The following LINC00305 variants were observed in gnomAD, a reference collection of about 807,000 sequenced individuals.
LINC00305 encodes the protein long intergenic non-protein coding RNA 305.
intron 1 of LINC00305, among the ~76,000 whole-genome samples, chr18:64,125,680 C>T (rs1401197618): frequency 1.3e-5 from 2 of 151,940 alleles, no homozygotes; most frequent in South Asian, 2.1e-4. Flanking sequence ...TTCCTCAATC[C>T]TTTTACAGTG....
rs201981802 is a variant in LINC00305, at chr18:64,143,571, C to T, written n.314+5204G>A. ...CACATATTATGTGTACATATATACA[C>T]ATATGTATATGTACATATGTACACA... On this transcript the variant is annotated intron_variant and non_coding_transcript_variant, in intron 1 of 3. Coordinates refer to ENST00000666468, the Ensembl canonical transcript of LINC00305. Among the ~76,000 whole-genome samples the T allele has an allele frequency of 1.7e-3, 4 of 2,342 alleles. 1 individual carries two copies. The highest frequency in any genetic ancestry group is 6.7e-3 in the Non-Finnish European group (4 of 598). 1.5% of individuals were successfully genotyped at this position (2,342 alleles called of 152,430 possible).
chr18:64,114,789 T>A (rs1460034288), intron 1 of LINC00305, among the ~76,000 whole-genome samples: 1 of 152,246 alleles, frequency 6.6e-6, no homozygotes, highest in Non-Finnish European at 1.5e-5. Context: ...CCTCAGATGA[T>A]CCACCTGCCT....
chr18:64,139,508 A>G (rs1466908451), intron 1 of LINC00305: 1 of 152,226 alleles, frequency 6.6e-6, no homozygotes, highest in Non-Finnish European at 1.5e-5. Flanking sequence ...TGAACACATC[A>G]GTCCAGCATT....
chr18:64,126,531 A>G (rs2051386091), intron 1 of LINC00305, among the ~76,000 whole-genome samples: 1 of 152,122 alleles, frequency 6.6e-6, no homozygotes, highest in Admixed American at 6.6e-5. Flanking sequence ...TCTATGAACA[A>G]GGAGCTGTTC....
intron 1 of LINC00305, among the ~76,000 whole-genome samples, chr18:64,111,120 A>G (rs2051312939): frequency 6.6e-6 from 1 of 152,238 alleles, no homozygotes; most frequent in Non-Finnish European, 1.5e-5. Flanking sequence ...GTGAGAAAAA[A>G]TAGATGACAA....
At chr18:64,101,332 G>C (rs1288523883) in intron 1 of LINC00305, among the ~76,000 whole-genome samples, 1 of 152,200 alleles carries the variant, frequency 6.6e-6, no homozygotes, top group Non-Finnish European at 1.5e-5. Flanking sequence ...TGATGTCACA[G>C]AGTTCCAGAA....
chr18:64,139,926 A>G (rs1568118723), intron 1 of LINC00305, among the ~76,000 whole-genome samples: 2 of 152,090 alleles, frequency 1.3e-5, no homozygotes, highest in African/African-American at 2.4e-5. Context: ...GATGACCCTC[A>G]CATCATGACC....
chr18:64,121,613 T>C (rs2051362482), intron 1 of LINC00305, among the ~76,000 whole-genome samples: 2 of 152,160 alleles, frequency 1.3e-5, no homozygotes. Context: ...CTAAGGTTGA[T>C]TCTGTATCTT....
Position 64,117,505 on chromosome 18 carries a change from AC to A in LINC00305, n.315-18866del, listed in dbSNP as rs1311933494. ...TTTATATGTCTTGTGCTATTTTCTT[AC>A]CTGTAAAATTGACAGAATGATAATT... On this transcript the variant is annotated intron_variant and non_coding_transcript_variant, in intron 1 of 3. Transcript: ENST00000666468. Among the ~76,000 whole-genome samples the A allele has an allele frequency of 6.6e-5, 10 of 152,146 alleles. 1 individual carries two copies. Among genetic ancestry groups the A allele is most frequent in the Non-Finnish European group, 1.5e-4 (10 of 68,026 alleles).
chr18:64,095,882 A>T (rs960973992), intron 3 of LINC00305, among the ~76,000 whole-genome samples: 3 of 152,178 alleles, frequency 2.0e-5, no homozygotes, highest in Non-Finnish European at 4.4e-5. Context: ...TATAAAAGAG[A>T]TCAATGAGTA....
intron 1 of LINC00305, among the ~76,000 whole-genome samples, chr18:64,118,500 T>G (rs767663310): frequency 6.6e-6 from 1 of 152,098 alleles, no homozygotes; most frequent in Non-Finnish European, 1.5e-5. Context: ...ATAACTTTTT[T>G]GTATGAGTGC....
chr18:64,086,304 T>C (rs2051203305), intron 3 of LINC00305, among the ~76,000 whole-genome samples: 1 of 152,240 alleles, frequency 6.6e-6, no homozygotes, highest in South Asian at 2.1e-4. Context: ...AGATTTATGT[T>C]AAGTTGGTAA....
intron 3 of LINC00305, among the ~76,000 whole-genome samples, chr18:64,086,169 T>A (rs931383354): frequency 1.3e-5 from 2 of 152,218 alleles, no homozygotes; most frequent in Non-Finnish European, 2.9e-5. Flanking sequence ...TCTAGTTAGT[T>A]TAGTGATATT....
intron 1 of LINC00305, among the ~76,000 whole-genome samples, chr18:64,143,882 GTA>G (rs1226248284): frequency 1.3e-5 from 2 of 151,664 alleles, no homozygotes; most frequent in Non-Finnish European, 2.9e-5. Context: ...ATGTATACAT[GTA>G]TATATACACA....
intron 1 of LINC00305, among the ~76,000 whole-genome samples, chr18:64,137,847 T>TAGACACAC (rs2051442573): frequency 2.7e-5 from 4 of 148,482 alleles, no homozygotes; most frequent in Admixed American, 2.7e-4. Flanking sequence ...TACACACACA[T>TAGACACAC]ACACACACAC....
chr18:64,103,401 C>G (rs2051275716), intron 1 of LINC00305, among the ~76,000 whole-genome samples: 1 of 152,172 alleles, frequency 6.6e-6, no homozygotes, highest in Non-Finnish European at 1.5e-5. Context: ...CACAGTCTCT[C>G]TTGTTACTAA....
chr18:64,089,032 G>A (rs1471773873), intron 3 of LINC00305, among the ~76,000 whole-genome samples: 1 of 152,184 alleles, frequency 6.6e-6, no homozygotes, highest in Non-Finnish European at 1.5e-5. Context: ...AGACTGTCAG[G>A]AAGAAGCAGG....
At chr18:64,115,078 C>T (rs1430784290) in intron 1 of LINC00305, among the ~76,000 whole-genome samples, 1 of 152,180 alleles carries the variant, frequency 6.6e-6, no homozygotes, top group East Asian at 1.9e-4. Flanking sequence ...TGAAAGAACA[C>T]ACCAGGGAAA....
chr18:64,084,370 C>T (rs953102436), intron 3 of LINC00305, among the ~76,000 whole-genome samples: 1 of 152,062 alleles, frequency 6.6e-6, no homozygotes, highest in Admixed American at 6.5e-5. Flanking sequence ...ATAGTTTGTA[C>T]AACAAACCCC....
Sources: gnomAD v4.1 joint callset for allele counts (sites outside exome capture counted in the v4.1 genomes callset) on GRCh38, gnomAD v4.1.1 for gene constraint, MANE v1.5 for transcripts, NCBI Gene and HGNC (gene_info 2026-07-23, HGNC 2026-07-21) for gene names.